The following RPS6KC1 variants were observed in gnomAD, a reference collection of about 807,000 sequenced individuals.
RPS6KC1 encodes ribosomal protein S6 kinase C1.
A neutral mutation model predicts 103.8 loss-of-function variants in RPS6KC1; 54 were observed. The ratio of observed to expected loss-of-function variants is 0.52; its 90% CI spans 0.42 to 0.65. RPS6KC1 has a LOEUF of 0.65. Among genes scored for constraint, RPS6KC1 ranks in the 30% least tolerant of loss-of-function variants. The pLI is 0.00. For synonymous variants in RPS6KC1, 439 were observed against 438.7 expected, an observed-to-expected ratio of 1.00 and a Z score of -0.01; for missense variants, 1,151 against 1,253.8, an observed-to-expected ratio of 0.92 and a Z score of 1.24.
chr1:213,108,083 A>G (rs2082666240), intron 4 of RPS6KC1, among the ~76,000 whole-genome samples: 2 of 152,090 alleles, frequency 1.3e-5, no homozygotes, highest in East Asian at 3.8e-4. Context: ...TAGTGGTGTC[A>G]TTTGAAGCTC....
At chr1:213,608,113 G>A in the RPS6KC1 span, among the ~76,000 whole-genome samples, 1 of 152,200 alleles carries the variant, frequency 6.6e-6, no homozygotes, top group Non-Finnish European at 1.5e-5. Context: ...TAAAAATGAA[G>A]ACTCTTGGAG....
At chr1:213,329,051 C>G in the RPS6KC1 span, among the ~76,000 whole-genome samples, 1 of 152,074 alleles carries the variant, frequency 6.6e-6, no homozygotes, top group African/African-American at 2.4e-5. Flanking sequence ...GAAGTGAAGA[C>G]GTTTTTTTCT....
At chr1:213,310,317 A>G in the RPS6KC1 span, among the ~76,000 whole-genome samples, 1 of 152,174 alleles carries the variant, frequency 6.6e-6, no homozygotes, top group East Asian at 1.9e-4. Flanking sequence ...AAGTCCAACC[A>G]TCTGGCTCCT....
the RPS6KC1 span, among the ~76,000 whole-genome samples, chr1:213,499,861 A>G: frequency 0.059 from 8,963 of 152,288 alleles, 811 homozygotes; most frequent in African/African-American, 0.19. Flanking sequence ...ACATAGAAAA[A>G]GTACAGTAAA....
At chr1:213,242,426 C>T in intron 11 of RPS6KC1, 129 bp downstream of exon 11, 10 of 1,181,530 alleles carry the variant, frequency 8.5e-6, no homozygotes, top group South Asian at 1.4e-5. Flanking sequence ...AGCAAATTCA[C>T]CCCCAGTAAT....
chr1:213,292,610 C>A, the RPS6KC1 span, among the ~76,000 whole-genome samples: 2 of 152,090 alleles, frequency 1.3e-5, no homozygotes, highest in South Asian at 4.2e-4. Flanking sequence ...AGGAGGAGAC[C>A]GTGCATCACA....
intron 6 of RPS6KC1, among the ~76,000 whole-genome samples, chr1:213,154,748 C>T (rs747270554): frequency 6.6e-6 from 1 of 152,228 alleles, no homozygotes; most frequent in Non-Finnish European, 1.5e-5. Context: ...CTCTACCCTT[C>T]TGTGGCCTTG....
At chr1:213,157,534 T>C (rs1393635007) in intron 6 of RPS6KC1, among the ~76,000 whole-genome samples, 1 of 152,172 alleles carries the variant, frequency 6.6e-6, no homozygotes, top group Non-Finnish European at 1.5e-5. Flanking sequence ...AGTTAATTGT[T>C]ATGGTTGGTG....
chr1:213,467,222 C>T, the RPS6KC1 span, among the ~76,000 whole-genome samples: 1 of 152,130 alleles, frequency 6.6e-6, no homozygotes, highest in Non-Finnish European at 1.5e-5. Context: ...ATTATACCAA[C>T]TGAATTGGAA....
In RPS6KC1 at chr1:213,241,458, G is replaced by A. The variant is rs1312354790; in HGVS notation, c.1982G>A (p.Ser661Asn). The A allele has an allele frequency of 5.0e-6, 8 of 1,613,872 alleles. No individual in the cohort carries two copies. Among genetic ancestry groups the A allele is most frequent in the Non-Finnish European group, 6.8e-6 (8 of 1,179,968 alleles). Residue 661 changes from serine to asparagine, a missense_variant, in exon 11 of 15, where the codon AGC (serine) becomes AAC (asparagine). By Grantham distance (46) the Ser-to-Asn change is conservative. Coordinates refer to ENST00000366960, the MANE Select transcript of RPS6KC1 (RefSeq NM_012424.6). ...KVEFKAQDTI[S>N]RGSDDSVPVI... ...GAGTTTAAAGCTCAGGACACCATTA[G>A]CAGGGGCTCAGATGACTCAGTGCCA...
chr1:213,692,458 G>A, the RPS6KC1 span, among the ~76,000 whole-genome samples: 2 of 152,232 alleles, frequency 1.3e-5, no homozygotes, highest in Non-Finnish European at 2.9e-5. Flanking sequence ...AGAGGGCCAA[G>A]TGGGCAATTT....
the RPS6KC1 span, among the ~76,000 whole-genome samples, chr1:213,773,212 C>T: frequency 2.9e-5 from 3 of 103,374 alleles, no homozygotes; most frequent in African/African-American, 6.0e-5. Context: ...TTTGAAACAC[C>T]ATTCAGTCTC....
chr1:213,325,178 G>A, the RPS6KC1 span, among the ~76,000 whole-genome samples: 1 of 152,042 alleles, frequency 6.6e-6, no homozygotes, highest in Admixed American at 6.6e-5. Context: ...TCCCTCTTCA[G>A]CGAGGAGCCA....
the RPS6KC1 span, among the ~76,000 whole-genome samples, chr1:213,680,194 G>A: frequency 3.9e-5 from 6 of 152,248 alleles, no homozygotes; most frequent in East Asian, 1.9e-4. Context: ...ACAACTTTTC[G>A]GGAACACGAG....
At chr1:213,781,168 A>G in the RPS6KC1 span, among the ~76,000 whole-genome samples, 1 of 152,222 alleles carries the variant, frequency 6.6e-6, no homozygotes, top group African/African-American at 2.4e-5. Context: ...TATCACAATA[A>G]CGTAAAGGTC....
the RPS6KC1 span, among the ~76,000 whole-genome samples, chr1:213,747,317 T>C: frequency 1.1e-4 from 17 of 152,250 alleles, no homozygotes; most frequent in Admixed American, 3.9e-4. Context: ...TTTAGCAATA[T>C]GGAGGTCACT....
At chr1:213,589,864 T>G in the RPS6KC1 span, among the ~76,000 whole-genome samples, 4 of 151,656 alleles carry the variant, frequency 2.6e-5, no homozygotes, top group African/African-American at 9.7e-5. Flanking sequence ...GGCTGAAAGA[T>G]GGGCAGTAAG....
the RPS6KC1 span, among the ~76,000 whole-genome samples, chr1:213,707,232 A>T: frequency 6.6e-6 from 1 of 152,150 alleles, no homozygotes; most frequent in Admixed American, 6.5e-5. Flanking sequence ...CTTTTTAATG[A>T]TCAGCATTCT....
At chr1:213,176,760 A>G in intron 8 of RPS6KC1, 1 of 246,878 alleles carries the variant, frequency 4.1e-6, no homozygotes, top group Non-Finnish European at 8.1e-6. Context: ...TAGAAGTGTT[A>G]TAGCAGAGTA....
Sources: gnomAD v4.1 joint callset for allele counts (sites outside exome capture counted in the v4.1 genomes callset) on GRCh38, gnomAD v4.1.1 for gene constraint, MANE v1.5 for transcripts, NCBI Gene and HGNC (gene_info 2026-07-23, HGNC 2026-07-21) for gene names.